The following C1QTNF3 variants were observed in gnomAD, a reference collection of about 807,000 sequenced individuals.
C1QTNF3 encodes the protein complement C1q tumor necrosis factor-related protein 3.
A neutral mutation model predicts 32.6 loss-of-function variants in C1QTNF3; 26 were observed. That is an observed-to-expected ratio of 0.80 (90% confidence interval 0.58 to 1.11). The LOEUF (loss-of-function observed/expected upper bound fraction) is 1.11. C1QTNF3 is among the 50% of genes least tolerant of loss of function. The probability of loss-of-function intolerance (pLI) is 0.00; values close to 1 mark genes in which losing one functional copy is unlikely to be tolerated. For synonymous variants in C1QTNF3, 155 were observed against 146.0 expected, an observed-to-expected ratio of 1.06 and a Z score of -0.44; for missense variants, 362 against 398.2, an observed-to-expected ratio of 0.91 and a Z score of 0.77.
At chr5:34,208,704 T>C in the C1QTNF3 span, among the ~76,000 whole-genome samples, 3 of 152,300 alleles carry the variant, frequency 2.0e-5, no homozygotes, top group East Asian at 3.9e-4. Context: ...TCCTAAGTTA[T>C]ACTAATGAAA....
the C1QTNF3 span, among the ~76,000 whole-genome samples, chr5:34,173,765 TTA>T: frequency 6.9e-6 from 1 of 144,940 alleles, no homozygotes; most frequent in Admixed American, 7.1e-5. Context: ...CTTTAGCATA[TTA>T]TCTCATTTTG....
chr5:34,024,132 T>C (rs1466552329), intron 4 of C1QTNF3, 124 bp from the exon 5 acceptor site: 1 of 711,718 alleles, frequency 1.4e-6, no homozygotes, highest in Admixed American at 2.2e-5. Flanking sequence ...TAGTATGGTG[T>C]CTCTCCTTGG....
At chr5:34,047,351 G>C (rs1444548620), upstream of C1QTNF3, among the ~76,000 whole-genome samples, 1 of 152,262 alleles carries the variant, frequency 6.6e-6, no homozygotes, top group African/African-American at 2.4e-5. Flanking sequence ...AGCTTTGCAA[G>C]GCAGAGGGAA....
At chr5:34,175,631 G>A in the C1QTNF3 span, 1 of 511,878 alleles carries the variant, frequency 2.0e-6, no homozygotes, top group Non-Finnish European at 3.6e-6. Context: ...GGGAAGCGGG[G>A]ACCTGACTCC....
the C1QTNF3 span, among the ~76,000 whole-genome samples, chr5:34,220,549 G>A: frequency 3.3e-5 from 5 of 150,912 alleles, no homozygotes; most frequent in African/African-American, 1.2e-4. Flanking sequence ...ACACACACAC[G>A]ACTGCATTGA....
At chr5:34,122,425 T>C in the C1QTNF3 span, among the ~76,000 whole-genome samples, 1 of 152,224 alleles carries the variant, frequency 6.6e-6, no homozygotes, top group Admixed American at 6.5e-5. Context: ...GTCACTCTCT[T>C]AATAAAGGAG....
the C1QTNF3 span, among the ~76,000 whole-genome samples, chr5:34,137,581 C>T: frequency 6.6e-6 from 1 of 152,204 alleles, no homozygotes. Context: ...GCAGTCTAGT[C>T]TAACTCCATT....
chr5:34,033,479 C>A, intron 2 of C1QTNF3, 21 bp from the exon 3 acceptor site: 1 of 1,614,132 alleles, frequency 6.2e-7, no homozygotes, highest in Non-Finnish European at 8.5e-7. Flanking sequence ...CAGACATCAT[C>A]ACATGAGAAA....
At chr5:34,025,271 T>C (rs1398717514) in intron 4 of C1QTNF3, among the ~76,000 whole-genome samples, 3 of 152,192 alleles carry the variant, frequency 2.0e-5, no homozygotes, top group African/African-American at 4.8e-5. Context: ...ATTAGACACA[T>C]ACACACACAT....
the C1QTNF3 span, among the ~76,000 whole-genome samples, chr5:34,237,241 A>G: frequency 6.6e-6 from 1 of 152,204 alleles, no homozygotes; most frequent in African/African-American, 2.4e-5. Context: ...CAGTAATTTT[A>G]CGGGTAAAAT....
chr5:34,056,473 T>TAG, the C1QTNF3 span, among the ~76,000 whole-genome samples: 16 of 106,976 alleles, frequency 1.5e-4, 1 homozygote, highest in Admixed American at 1.1e-3. Context: ...TATATATATA[T>TAG]ATATATAGAG....
At chr5:34,056,511 G>A in the C1QTNF3 span, among the ~76,000 whole-genome samples, 1 of 141,634 alleles carries the variant, frequency 7.1e-6, no homozygotes, top group Non-Finnish European at 1.5e-5. Flanking sequence ...GAGAGAGAGA[G>A]AGAGAGAGAG....
chr5:34,033,172 A>T (rs1754657268), intron 3 of C1QTNF3, 132 bp downstream of exon 3: 1 of 968,048 alleles, frequency 1.0e-6, no homozygotes. Flanking sequence ...TGTGATGTAG[A>T]TGAACAAACT....
the C1QTNF3 span, among the ~76,000 whole-genome samples, chr5:34,081,203 GTTA>G: frequency 1.3e-5 from 2 of 151,606 alleles, no homozygotes; most frequent in Non-Finnish European, 2.9e-5. Flanking sequence ...GAATGGGTAT[GTTA>G]TTATTATCCT....
chr5:34,169,745 C>G, the C1QTNF3 span, among the ~76,000 whole-genome samples: 4 of 152,020 alleles, frequency 2.6e-5, no homozygotes, highest in African/African-American at 9.7e-5. Flanking sequence ...TATTACCTCA[C>G]TCTTGTTAGG....
the C1QTNF3 span, among the ~76,000 whole-genome samples, chr5:34,243,914 T>C: frequency 6.6e-6 from 1 of 152,076 alleles, no homozygotes; most frequent in Admixed American, 6.5e-5. Flanking sequence ...GCATATGCAC[T>C]ATCTGTGTCT....
chr5:34,205,454 T>C, the C1QTNF3 span, among the ~76,000 whole-genome samples: 1 of 152,188 alleles, frequency 6.6e-6, no homozygotes, highest in Non-Finnish European at 1.5e-5. Context: ...CTCCTTGCTG[T>C]TCTTGTGATA....
chr5:34,157,899 T>C, the C1QTNF3 span, among the ~76,000 whole-genome samples: 1 of 152,128 alleles, frequency 6.6e-6, no homozygotes, highest in East Asian at 1.9e-4. Context: ...AATTCAATAC[T>C]TCAGCAATAC....
the C1QTNF3 span, among the ~76,000 whole-genome samples, chr5:34,153,844 C>T: frequency 1.6e-5 from 1 of 63,604 alleles, no homozygotes; most frequent in African/African-American, 5.4e-5. Flanking sequence ...TACCCTAAAA[C>T]TTAGAGTATA....
Sources: gnomAD v4.1 joint callset for allele counts (sites outside exome capture counted in the v4.1 genomes callset) on GRCh38, gnomAD v4.1.1 for gene constraint, MANE v1.5 for transcripts, NCBI Gene and HGNC (gene_info 2026-07-23, HGNC 2026-07-21) for gene names.